The following CARMIL1 variants were observed in gnomAD, a reference collection of about 807,000 sequenced individuals.
The protein encoded by CARMIL1 is F-actin-uncapping protein LRRC16A.
CARMIL1 carries 90 observed loss-of-function variants against 177.1 expected under a neutral mutation model. The observed-to-expected ratio is 0.51, with a 90% confidence interval of 0.43 to 0.61. The LOEUF (loss-of-function observed/expected upper bound fraction) is 0.61, where lower values mean the gene tolerates loss of function less well. Among genes scored for constraint, CARMIL1 ranks in the 20% least tolerant of loss-of-function variants. The pLI is 0.00. For missense variants in CARMIL1, 1,380 were observed against 1,667.0 expected, an observed-to-expected ratio of 0.83 and a Z score of 3.00; for synonymous variants, 577 against 606.2, an observed-to-expected ratio of 0.95 and a Z score of 0.71.
chr6:25,564,350 C>G (rs1216032914), intron 29 of CARMIL1, among the ~76,000 whole-genome samples: 1 of 151,950 alleles, frequency 6.6e-6, no homozygotes, highest in Admixed American at 6.6e-5. Flanking sequence ...TAAATAGGCT[C>G]ATTGTTTGTT....
chr6:25,517,393 G>A lies in CARMIL1; in HGVS notation c.1852G>A (p.Asp618Asn). ...CAACATCACTGCACAAGGCTTTCAG[G>A]ATATAGCTGTTGCTATGGAAAAGTA... ...KNNITAQGFQ[D>N]IAVAMEKNYT... Residue 618 changes from aspartate to asparagine, a missense_variant, in exon 22 of 37, where the codon GAT becomes AAT. Transcript: ENST00000329474. 3 of 1,613,350 alleles carry A rather than the reference G, an allele frequency of 1.9e-6. No homozygotes were observed. Among genetic ancestry groups the A allele is most frequent in the Non-Finnish European group, 2.5e-6 (3 of 1,179,664 alleles).
chr6:25,300,711 C>T, intron 2 of CARMIL1, among the ~76,000 whole-genome samples: 1 of 152,238 alleles, frequency 6.6e-6, no homozygotes, highest in East Asian at 1.9e-4. Context: ...CCTACTAAAT[C>T]AGAAACTCTG....
intron 2 of CARMIL1, among the ~76,000 whole-genome samples, chr6:25,395,923 CT>C (rs557906217): frequency 3.0e-4 from 45 of 152,334 alleles, no homozygotes; most frequent in Admixed American, 7.2e-4. Context: ...CATGCGGGTC[CT>C]TGTGACTTCC....
At chr6:25,393,725 T>TTA (rs749512202) in intron 2 of CARMIL1, among the ~76,000 whole-genome samples, 16 of 149,940 alleles carry the variant, frequency 1.1e-4, no homozygotes, top group Non-Finnish European at 1.8e-4. Flanking sequence ...TTTTTTTTTT[T>TTA]AATTAGCTGT....
intron 2 of CARMIL1, among the ~76,000 whole-genome samples, chr6:25,315,517 C>G (rs551934907): frequency 5.2e-4 from 79 of 152,358 alleles, no homozygotes; most frequent in African/African-American, 1.8e-3. Flanking sequence ...CACTGGCTCT[C>G]CACAGCCTCC....
At chr6:25,391,872 A>G (rs773470101) in intron 2 of CARMIL1, among the ~76,000 whole-genome samples, 2 of 151,746 alleles carry the variant, frequency 1.3e-5, no homozygotes, top group African/African-American at 2.4e-5. Flanking sequence ...GCAGGCTTTC[A>G]GTTTTGGGTA....
rs375211460 is a variant in CARMIL1 at position 25,356,422 on chromosome 6, A to G, written c.139-63692A>G. Among the ~76,000 whole-genome samples, 9 of 152,260 alleles carry G rather than the reference A, an allele frequency of 5.9e-5. No individual in the cohort carries two copies. The East Asian group carries it at 1.2e-3, about 20-fold the overall frequency. On this transcript the variant is annotated intron_variant, in intron 2 of 36. Transcript: ENST00000329474. The stretch of plus-strand genomic sequence containing the variant: ...CTCAAGTCCTCTTACAGTCCTTACC[A>G]TTTCATTAGTTGAATGCTTAAGTAG...
intron 2 of CARMIL1, among the ~76,000 whole-genome samples, chr6:25,390,293 CATATATATATATATATAT>C (rs397887367): frequency 1.1e-4 from 9 of 84,904 alleles, no homozygotes; most frequent in African/African-American, 3.5e-4. Context: ...TATATATTTA[CATATATATATATATATAT>C]ATATATATAT....
chr6:25,556,597 T>G (rs923856083), intron 28 of CARMIL1, 104 bp from the exon 29 acceptor site: 2 of 1,003,828 alleles, frequency 2.0e-6, no homozygotes, highest in South Asian at 3.3e-5. Flanking sequence ...CTCGTCAGCT[T>G]TGTGCTCCAC....
intron 29 of CARMIL1, among the ~76,000 whole-genome samples, chr6:25,570,873 T>G (rs1216100864): frequency 6.6e-6 from 1 of 152,168 alleles, no homozygotes; most frequent in East Asian, 1.9e-4. Context: ...TTTCTCAGAG[T>G]TATAACTTCC....
At chr6:25,586,387 TCAGA>T (rs1813688298) in intron 31 of CARMIL1, among the ~76,000 whole-genome samples, 1 of 137,240 alleles carries the variant, frequency 7.3e-6, no homozygotes, top group African/African-American at 2.8e-5. Context: ...TCCCCACATC[TCAGA>T]CAATGGGCGG....
At chr6:25,488,295 T>C (rs888404609) in intron 12 of CARMIL1, among the ~76,000 whole-genome samples, 187 bp from the exon 13 acceptor site, 10 of 152,226 alleles carry the variant, frequency 6.6e-5, no homozygotes, top group African/African-American at 2.4e-4. Context: ...GTTGTGTCTT[T>C]GACCAACCTG....
intron 29 of CARMIL1, among the ~76,000 whole-genome samples, chr6:25,572,993 C>A (rs1246240411): frequency 1.3e-5 from 2 of 152,134 alleles, no homozygotes; most frequent in Non-Finnish European, 2.9e-5. Context: ...AGCACTGATT[C>A]AGTTCATTCA....
intron 8 of CARMIL1, chr6:25,465,644 C>T (rs777283756): frequency 2.7e-5 from 13 of 484,340 alleles, no homozygotes; most frequent in Non-Finnish European, 4.7e-5. Flanking sequence ...ATACCAACCT[C>T]TTTCCTTTGG....
chr6:25,593,960 G>T (rs1814567407), intron 31 of CARMIL1, among the ~76,000 whole-genome samples: 1 of 152,086 alleles, frequency 6.6e-6, no homozygotes, highest in Non-Finnish European at 1.5e-5. Context: ...CAGGGGAGAG[G>T]GTTAGGGGAA....
intron 1 of CARMIL1, among the ~76,000 whole-genome samples, chr6:25,280,321 G>T (rs1347313962): frequency 6.6e-6 from 1 of 152,176 alleles, no homozygotes; most frequent in Non-Finnish European, 1.5e-5. Context: ...AATGCCCCGC[G>T]GGAGGTGATC....
intron 2 of CARMIL1, among the ~76,000 whole-genome samples, chr6:25,304,743 G>A (rs889686498): frequency 7.9e-5 from 12 of 152,168 alleles, no homozygotes; most frequent in African/African-American, 2.9e-4. Flanking sequence ...ACTTCCTTTG[G>A]TCTAAGATTC....
At chr6:25,583,826 C>T (rs1482010313) in intron 31 of CARMIL1, among the ~76,000 whole-genome samples, 2 of 151,554 alleles carry the variant, frequency 1.3e-5, no homozygotes, top group Non-Finnish European at 2.9e-5. Flanking sequence ...AGACAACCCC[C>T]CCCACCCGCC....
rs533307836 is a variant in CARMIL1, at chr6:25,593,622, T to C, written c.3007-793T>C. On this transcript the variant is annotated intron_variant, in intron 31 of 36. Transcript: ENST00000329474. ...GGCTTATTCAGCAGCAGAGCACAGA[T>C]ACCCAGGTGCTTTCCCCTTTCTGCT... Among the ~76,000 whole-genome samples, 47 of 152,342 alleles carry C rather than the reference T, an allele frequency of 3.1e-4. No individual in the cohort carries two copies. The South Asian group carries it at 7.5e-3, about 24-fold the overall frequency.
Sources: allele counts gnomAD v4.1 joint callset (sites outside exome capture counted in the v4.1 genomes callset), GRCh38; gene constraint gnomAD v4.1.1; transcripts MANE v1.5; gene names NCBI Gene and HGNC (gene_info 2026-07-23, HGNC 2026-07-21).